ADCY10: variants seen among roughly 807,000 people sequenced by gnomAD.
The protein encoded by ADCY10 is adenylate cyclase type 10.
ADCY10 carries 156 observed loss-of-function variants against 183.3 expected under a neutral mutation model. The ratio of observed to expected loss-of-function variants is 0.85; its 90% CI spans 0.75 to 0.97. The LOEUF (loss-of-function observed/expected upper bound fraction) is 0.97, where lower values mean the gene tolerates loss of function less well. ADCY10 is among the 50% of genes least tolerant of loss of function. ADCY10 has a pLI of 0.00. For missense variants in ADCY10, 1,745 were observed against 1,934.3 expected (o/e 0.90, Z 1.84); for synonymous variants, 645 against 670.0 (o/e 0.96, Z 0.58).
In ADCY10 at chr1:167,846,058, C is replaced by T. The variant is rs752350736; in HGVS notation, c.2643G>A (p.Lys881=). 1 of 1,614,100 alleles carries T rather than the reference C, an allele frequency of 6.2e-7. No homozygotes were observed. Among genetic ancestry groups the T allele is most frequent in the Non-Finnish European group, 8.5e-7 (1 of 1,180,054 alleles). ...ATGAGGGATCATTCTGTTTCAGGGCCTTTTGAAGCTCCTTGCCATTCCGGA... is the reference window on the plus strand; with the variant it reads ...ATGAGGGATCATTCTGTTTCAGGGCTTTTTGAAGCTCCTTGCCATTCCGGA... ...YCFRNGKELQ[K]ALKQNDPSFE... is the part of the protein sequence containing the mutation. Residue 881 remains lysine (K), a synonymous_variant, in exon 20 of 33, where the codon AAG becomes AAA. Coordinates refer to ENST00000367851, the MANE Select transcript of ADCY10 (RefSeq NM_018417.6).
At chr1:167,817,635 G>A (rs1270872239) in intron 31 of ADCY10, among the ~76,000 whole-genome samples, 1 of 152,128 alleles carries the variant, frequency 6.6e-6, no homozygotes, top group African/African-American at 2.4e-5. Flanking sequence ...GGAATGATTT[G>A]TCTACCAGGA....
intron 6 of ADCY10, among the ~76,000 whole-genome samples, chr1:167,897,441 G>C (rs183627011): frequency 5.3e-5 from 8 of 150,352 alleles, no homozygotes; most frequent in Non-Finnish European, 1.2e-4. Flanking sequence ...AGGTTGAAGT[G>C]AGCTGAGATC....
intron 23 of ADCY10, chr1:167,834,408 A>G (rs550156761): frequency 2.5e-6 from 1 of 398,372 alleles, no homozygotes; most frequent in South Asian, 2.4e-5. Context: ...CAATAATTCT[A>G]TCCCCAACCT....
intron 7 of ADCY10, 47 bp downstream of exon 7, chr1:167,896,548 C>T: frequency 6.9e-7 from 1 of 1,448,944 alleles, no homozygotes; most frequent in South Asian, 1.1e-5. Flanking sequence ...TAAGACCCTA[C>T]TGACCACTGG....
rs1407377211 is a variant in ADCY10, at chr1:167,854,446, C to A, written c.2215G>T (p.Glu739Ter). 2.5e-6 allele frequency: 4 copies of A among 1,614,194 alleles called. No individual in the cohort carries two copies. Among genetic ancestry groups the A allele is most frequent in the Non-Finnish European group, 3.4e-6 (4 of 1,180,042 alleles). Residue 739 changes from glutamate (E) to a stop codon, truncating the protein, a stop_gained, in exon 18 of 33, where the codon GAA (glutamate) becomes TAA (stop). Transcript: ENST00000367851. LOFTEE classifies it high-confidence loss of function. ...TGATGTTCCAGGTTTTTAAGCAATT[C>A]TTCACAGTAAAATGGAATCCCACAG... ...GSCGIPFYCE[E>*]LLKNLEHHEV...
intron 23 of ADCY10, among the ~76,000 whole-genome samples, 154 bp downstream of exon 23, chr1:167,836,155 A>T (rs2101916766): frequency 6.6e-6 from 1 of 152,262 alleles, no homozygotes; most frequent in South Asian, 2.1e-4. Context: ...ATCTTAGATC[A>T]TTTCCCTTCT....
At chr1:167,820,403 C>G in intron 30 of ADCY10, 1 of 531,256 alleles carries the variant, frequency 1.9e-6, no homozygotes, top group Non-Finnish European at 3.3e-6. Context: ...ACCCCGAGAG[C>G]TGGCCGACTG....
intron 31 of ADCY10, among the ~76,000 whole-genome samples, chr1:167,817,635 G>T (rs1270872239): frequency 1.3e-5 from 2 of 152,128 alleles, no homozygotes; most frequent in African/African-American, 4.8e-5. Flanking sequence ...GGAATGATTT[G>T]TCTACCAGGA....
At position 167,826,227 on chromosome 1, in the gene ADCY10, G is replaced by C. The variant is rs905655900; in HGVS notation, c.3751-1372C>G. Among the ~76,000 whole-genome samples the C allele has an allele frequency of 3.9e-5, 6 of 152,340 alleles. No individual in the cohort carries two copies. The East Asian group carries it at 5.8e-4, about 15-fold the overall frequency. On this transcript the variant is annotated intron_variant, in intron 26 of 32. Coordinates refer to ENST00000367851, the MANE Select transcript of ADCY10 (RefSeq NM_018417.6). ...GTAAGGATAGCCAGAAATGGTGGTG[G>C]GGGAAGAGAGAAGTGTTGGGCACGA...
chr1:167,825,094 A>G (rs1663183911), intron 26 of ADCY10, among the ~76,000 whole-genome samples: 1 of 152,228 alleles, frequency 6.6e-6, no homozygotes, highest in Non-Finnish European at 1.5e-5. Flanking sequence ...AAATATAAAA[A>G]TTTTAATTTC....
chr1:167,867,878 C>G (rs1272228934), intron 14 of ADCY10, among the ~76,000 whole-genome samples: 1 of 152,034 alleles, frequency 6.6e-6, no homozygotes, highest in Non-Finnish European at 1.5e-5. Flanking sequence ...ATCTAGGCTA[C>G]TTAGAAAAAG....
chr1:167,837,245 C>T lies in ADCY10; in HGVS notation c.3077+4G>A, dbSNP rs1664279445. ...ACTTCCTAAACAATGATATATGCCT[C>T]TACCTGCGATTTTCAGGAAAAAATG... On this transcript the variant is annotated splice_donor_region_variant and intron_variant, in intron 22 of 32. Coordinates refer to ENST00000367851, the MANE Select transcript of ADCY10 (RefSeq NM_018417.6). 1 of 1,610,660 alleles carries T rather than the reference C, an allele frequency of 6.2e-7. No homozygotes were observed.
At chr1:167,866,033 C>T (rs926024387) in intron 14 of ADCY10, among the ~76,000 whole-genome samples, 5 of 152,176 alleles carry the variant, frequency 3.3e-5, no homozygotes, top group African/African-American at 1.2e-4. Context: ...CTTAGGATTC[C>T]TTGGAGACCT....
chr1:167,845,492 C>G (rs1391885820), intron 21 of ADCY10, 71 bp downstream of exon 21: 1 of 1,515,646 alleles, frequency 6.6e-7, no homozygotes, highest in Non-Finnish European at 9.1e-7. Flanking sequence ...GATCCACACC[C>G]ACTCCTTCTA....
intron 14 of ADCY10, among the ~76,000 whole-genome samples, chr1:167,869,664 G>C (rs1050168820): frequency 6.6e-6 from 1 of 152,136 alleles, no homozygotes; most frequent in Non-Finnish European, 1.5e-5. Flanking sequence ...GTTCTGTTCT[G>C]TTTCACTGTG....
intron 21 of ADCY10, among the ~76,000 whole-genome samples, chr1:167,839,085 C>T (rs1325162967): frequency 1.3e-5 from 2 of 152,238 alleles, no homozygotes; most frequent in Non-Finnish European, 2.9e-5. Flanking sequence ...AAACTAATCT[C>T]CCTTCTATTC....
intron 30 of ADCY10, chr1:167,820,080 AT>A (rs1226759109): frequency 1.3e-6 from 2 of 1,574,374 alleles, no homozygotes; most frequent in African/African-American, 2.7e-5. Flanking sequence ...TTGAGATAAA[AT>A]TTGGCTATGG....
intron 25 of ADCY10, among the ~76,000 whole-genome samples, chr1:167,831,853 A>T (rs563474834): frequency 6.6e-6 from 1 of 152,300 alleles, no homozygotes; most frequent in East Asian, 1.9e-4. Context: ...CTGAAATTCA[A>T]ATTGAGGCAT....
At chr1:167,875,827 C>T (rs1342819044) in intron 12 of ADCY10, among the ~76,000 whole-genome samples, 2 of 152,128 alleles carry the variant, frequency 1.3e-5, no homozygotes, top group South Asian at 2.1e-4. Context: ...GTGGCGGTTG[C>T]CTGTAGTCCC....
Sources: gnomAD v4.1 joint callset for allele counts (sites outside exome capture counted in the v4.1 genomes callset) on GRCh38, gnomAD v4.1.1 for gene constraint, MANE v1.5 for transcripts, NCBI Gene and HGNC (gene_info 2026-07-23, HGNC 2026-07-21) for gene names.